Variants in PTH2R observed in about 807,000 individuals in gnomAD.
The protein encoded by PTH2R is PTH2 receptor.
PTH2R carries 59 observed loss-of-function variants against 60.3 expected under a neutral mutation model. The observed-to-expected ratio is 0.98, with a 90% CI of 0.79 to 1.22. The LOEUF (loss-of-function observed/expected upper bound fraction) is 1.22. Ranked by LOEUF, PTH2R falls within the 50% of genes most tolerant of loss-of-function variation. The pLI, the probability that PTH2R is intolerant of heterozygous loss-of-function variation, is 0.00. For missense variants in PTH2R, 749 were observed against 682.6 expected (o/e 1.10, Z -1.08); for synonymous variants, 256 against 243.8 (o/e 1.05, Z -0.47).
At chr2:208,378,387 GGGGAGA>G (rs1050204271) in intron 1 of PTH2R, among the ~76,000 whole-genome samples, 76 of 152,140 alleles carry the variant, frequency 5.0e-4, no homozygotes, top group Non-Finnish European at 8.2e-4. Flanking sequence ...GGGAGACTGT[GGGGAGA>G]GGGAGAGGGA....
At chr2:208,432,983 CAG>C (rs1702003245) in intron 2 of PTH2R, among the ~76,000 whole-genome samples, 1 of 152,142 alleles carries the variant, frequency 6.6e-6, no homozygotes, top group Admixed American at 6.5e-5. Flanking sequence ...CACCCAGAAA[CAG>C]TACTTTGCCA....
intron 10 of PTH2R, among the ~76,000 whole-genome samples, chr2:208,485,827 A>G (rs1703261450): frequency 6.6e-6 from 1 of 152,164 alleles, no homozygotes; most frequent in Non-Finnish European, 1.5e-5. Flanking sequence ...TTTACTTTAT[A>G]TGACAAAGAT....
At chr2:208,477,477 T>C (rs188751458) in intron 9 of PTH2R, among the ~76,000 whole-genome samples, 1 of 152,208 alleles carries the variant, frequency 6.6e-6, no homozygotes, top group Non-Finnish European at 1.5e-5. Flanking sequence ...TTTAAATCAT[T>C]AATTGCAGAC....
chr2:208,461,809 T>C (rs1398663833), intron 9 of PTH2R, among the ~76,000 whole-genome samples: 1 of 152,212 alleles, frequency 6.6e-6, no homozygotes, highest in Admixed American at 6.5e-5. Flanking sequence ...GATGAAAAAT[T>C]TATTTTCTGA....
At chr2:208,370,224 A>T (rs149594950) in intron 1 of PTH2R, among the ~76,000 whole-genome samples, 17 of 151,972 alleles carry the variant, frequency 1.1e-4, no homozygotes, top group Non-Finnish European at 2.4e-4. Context: ...CGGGCGGATC[A>T]TGAGGTCAGG....
chr2:208,491,474 A>G (rs1169473747), intron 12 of PTH2R, among the ~76,000 whole-genome samples: 2 of 152,128 alleles, frequency 1.3e-5, no homozygotes, highest in African/African-American at 4.8e-5. Flanking sequence ...AGGAGAATAA[A>G]CCTGGGAGGG....
chr2:208,409,352 G>A (rs1439466578), intron 1 of PTH2R, among the ~76,000 whole-genome samples: 3 of 152,062 alleles, frequency 2.0e-5, no homozygotes, highest in Non-Finnish European at 4.4e-5. Flanking sequence ...TCTCTACTCT[G>A]AAATTCCATT....
intron 1 of PTH2R, among the ~76,000 whole-genome samples, chr2:208,378,022 T>G (rs1700838605): frequency 6.6e-6 from 1 of 152,030 alleles, no homozygotes; most frequent in Non-Finnish European, 1.5e-5. Context: ...CAAGGCAGGC[T>G]GCTGGGAGGT....
At chr2:208,417,666 C>T (rs1358272421) in intron 1 of PTH2R, among the ~76,000 whole-genome samples, 1 of 149,708 alleles carries the variant, frequency 6.7e-6, no homozygotes, top group Non-Finnish European at 1.5e-5. Flanking sequence ...TCTCCTGCCT[C>T]AGCCTCCCGA....
At chr2:208,378,502 G>A (rs932760870) in intron 1 of PTH2R, among the ~76,000 whole-genome samples, 14 of 152,082 alleles carry the variant, frequency 9.2e-5, no homozygotes, top group Admixed American at 5.9e-4. Flanking sequence ...AGCCCTCAGA[G>A]TGGTGGTATT....
chr2:208,474,670 C>CTAAA (rs1702960556), intron 9 of PTH2R, among the ~76,000 whole-genome samples: 1 of 152,114 alleles, frequency 6.6e-6, no homozygotes, highest in South Asian at 2.1e-4. Context: ...ACATGTCATG[C>CTAAA]TAAAGCACAT....
intron 1 of PTH2R, among the ~76,000 whole-genome samples, chr2:208,367,953 T>G (rs1378024467): frequency 6.6e-6 from 1 of 152,192 alleles, no homozygotes; most frequent in East Asian, 1.9e-4. Flanking sequence ...ACTTAGGCCA[T>G]AAAATATTTT....
In PTH2R at chr2:208,437,856, T is replaced by G. The variant is rs977751512; in HGVS notation, c.386T>G (p.Leu129Arg). ...AATTATTCAGACTGCCTTCGCTTTC[T>G]GCAGCCAGATATCAGCATAGGAAAG... Reference protein sequence around the residue: ...WANYSDCLRFLQPDISIGKQE... With the variant: ...WANYSDCLRFRQPDISIGKQE... The change falls in exon 4 of 13, where the codon CTG becomes CGG. Residue 129 changes from leucine (L) to arginine (R), a missense_variant. Physicochemically the swap from Leu to Arg is moderately radical, Grantham distance 102. Coordinates refer to ENST00000272847, the MANE Select transcript of PTH2R (RefSeq NM_005048.4). The G allele has an allele frequency of 6.2e-7, 1 of 1,613,818 alleles. No individual in the cohort carries two copies. The highest frequency in any genetic ancestry group is 2.2e-5 in the East Asian group (1 of 44,864).
At position 208,460,074 on chromosome 2, in the gene PTH2R, A is replaced by G. The variant is rs553062885; in HGVS notation, c.981+113A>G. The stretch of plus-strand genomic sequence containing the variant: ...CTACAACAGATCTGAGAAACTGACA[A>G]GTACAGCAACATCTATTGGGAGAGT... On this transcript the variant is annotated intron_variant, in intron 9 of 12. Transcript: ENST00000272847. 1.0e-5 allele frequency: 9 copies of G among 867,634 alleles called. No homozygotes were observed. In the African/African-American group the frequency reaches 1.4e-4, roughly 13 times the overall value. The allele number at this position is 867,634 out of a possible 1,614,324, so 53.7% of individuals were successfully genotyped here.
chr2:208,416,028 A>C (rs1302911429), intron 1 of PTH2R, among the ~76,000 whole-genome samples: 1 of 152,184 alleles, frequency 6.6e-6, no homozygotes, highest in African/African-American at 2.4e-5. Flanking sequence ...AATGATTTTA[A>C]GGGGTTTTCC....
chr2:208,369,659 G>T (rs918676870), intron 1 of PTH2R, among the ~76,000 whole-genome samples: 1 of 151,886 alleles, frequency 6.6e-6, no homozygotes, highest in Non-Finnish European at 1.5e-5. Flanking sequence ...TGCCTGGCCT[G>T]GTCTCATTTT....
At chr2:208,437,350 G>T (rs945132934) in intron 2 of PTH2R, among the ~76,000 whole-genome samples, 187 bp from the exon 3 acceptor site, 3 of 152,122 alleles carry the variant, frequency 2.0e-5, no homozygotes, top group Non-Finnish European at 4.4e-5. Context: ...ATGAGCCTTT[G>T]ATGAAGCACA....
chr2:208,450,179 C>A (rs1702375178), intron 7 of PTH2R, among the ~76,000 whole-genome samples: 1 of 152,192 alleles, frequency 6.6e-6, no homozygotes, highest in Non-Finnish European at 1.5e-5. Flanking sequence ...AATCATCAGA[C>A]AAATATAGTG....
At chr2:208,449,807 A>T (rs541692882) in intron 7 of PTH2R, among the ~76,000 whole-genome samples, 10 of 152,342 alleles carry the variant, frequency 6.6e-5, no homozygotes, top group Admixed American at 2.6e-4. Flanking sequence ...TTAAGAATTT[A>T]AAGTTATGCT....
Sources: gnomAD v4.1 joint callset for allele counts (sites outside exome capture counted in the v4.1 genomes callset) on GRCh38, gnomAD v4.1.1 for gene constraint, MANE v1.5 for transcripts, NCBI Gene and HGNC (gene_info 2026-07-23, HGNC 2026-07-21) for gene names.